INPP4B: variants seen among roughly 807,000 people sequenced by gnomAD.
INPP4B encodes the protein inositol polyphosphate 4-phosphatase type II.
Under a neutral mutation model 122.5 loss-of-function variants are expected in INPP4B, and 55 were observed. The observed-to-expected ratio is 0.45, with a 90% CI of 0.36 to 0.56. INPP4B has a LOEUF of 0.56. Ranked by LOEUF, INPP4B falls within the 20% of genes least tolerant of loss-of-function variation. The pLI, the probability that INPP4B is intolerant of heterozygous loss-of-function variation, is 0.00. For synonymous variants in INPP4B, 403 were observed against 388.7 expected (o/e 1.04, Z -0.43); for missense variants, 1,000 against 1,097.7 (o/e 0.91, Z 1.26).
intron 11 of INPP4B, among the ~76,000 whole-genome samples, chr4:142,242,878 G>A (rs559308496): frequency 8.4e-4 from 128 of 152,248 alleles, no homozygotes; most frequent in African/African-American, 2.9e-3. Flanking sequence ...TGAGCTTTAT[G>A]TGTGGGGGGA....
chr4:142,803,114 G>A (rs1047837558), intron 1 of INPP4B, among the ~76,000 whole-genome samples: 27 of 147,142 alleles, frequency 1.8e-4, no homozygotes, highest in Middle Eastern at 3.5e-3. Context: ...GGAGGTTGCC[G>A]TAAGCCGAAA....
chr4:142,598,473 C>G (rs74821385), intron 2 of INPP4B, among the ~76,000 whole-genome samples: 3,644 of 152,170 alleles, frequency 0.024, 56 homozygotes, highest in Middle Eastern at 0.088. Context: ...CCCATATATC[C>G]ACATCCTGTA....
At chr4:142,317,718 C>G (rs766117194) in intron 7 of INPP4B, among the ~76,000 whole-genome samples, 9 of 152,148 alleles carry the variant, frequency 5.9e-5, no homozygotes, top group Non-Finnish European at 1.3e-4. Context: ...ACTTCTTGAG[C>G]TAAATGTCAC....
chr4:142,282,910 G>T (rs1483382512), intron 9 of INPP4B, among the ~76,000 whole-genome samples: 1 of 152,056 alleles, frequency 6.6e-6, no homozygotes, highest in African/African-American at 2.4e-5. Flanking sequence ...CAGCAATGGG[G>T]AGTGAGATGA....
chr4:142,330,557 GCA>G (rs147805476), intron 7 of INPP4B, among the ~76,000 whole-genome samples: 12 of 151,750 alleles, frequency 7.9e-5, no homozygotes, highest in Non-Finnish European at 1.3e-4. Context: ...ACACGCGCAC[GCA>G]CACACACACA....
intron 2 of INPP4B, among the ~76,000 whole-genome samples, chr4:142,597,341 G>A (rs1580460673): frequency 6.6e-6 from 1 of 152,172 alleles, no homozygotes; most frequent in Non-Finnish European, 1.5e-5. Context: ...GTGGATCAAC[G>A]GTGACACCAG....
intron 7 of INPP4B, among the ~76,000 whole-genome samples, chr4:142,389,849 A>G (rs1047211183): frequency 1.3e-5 from 2 of 152,240 alleles, no homozygotes; most frequent in Non-Finnish European, 2.9e-5. Context: ...GTAAAAGATT[A>G]TAAAAAGGCA....
At position 142,758,786 on chromosome 4, in the gene INPP4B, C is replaced by T. The variant is rs548117596; in HGVS notation, c.-253-32885G>A. ...TGGCTAACATGGTGAAACCCCGTCT[C>T]TTCTAAAAACACAAACATTAGCCGG... On this transcript the variant is annotated intron_variant, in intron 1 of 25. Coordinates refer to ENST00000262992, the MANE Select transcript of INPP4B (RefSeq NM_001101669.3). Among the ~76,000 whole-genome samples, 12 of 152,132 alleles carry T rather than the reference C, an allele frequency of 7.9e-5. No homozygotes were observed. The East Asian group carries it at 2.3e-3, about 29-fold the overall frequency.
At chr4:142,827,256 C>T (rs1036218501) in intron 1 of INPP4B, among the ~76,000 whole-genome samples, 9 of 152,190 alleles carry the variant, frequency 5.9e-5, no homozygotes, top group Admixed American at 3.3e-4. Flanking sequence ...TTTCACCCTA[C>T]TCCTATCCCT....
intron 2 of INPP4B, among the ~76,000 whole-genome samples, chr4:142,542,437 T>A (rs987546544): frequency 6.6e-6 from 1 of 152,172 alleles, no homozygotes; most frequent in East Asian, 1.9e-4. Context: ...GAATAAATCA[T>A]CTCATTATAT....
intron 3 of INPP4B, among the ~76,000 whole-genome samples, chr4:142,439,834 A>T (rs969464819): frequency 1.3e-5 from 2 of 152,170 alleles, no homozygotes; most frequent in Non-Finnish European, 2.9e-5. Flanking sequence ...TATCATCCTC[A>T]GATACATTCC....
intron 2 of INPP4B, among the ~76,000 whole-genome samples, chr4:142,585,137 C>T (rs1324576993): frequency 6.6e-6 from 1 of 152,092 alleles, no homozygotes; most frequent in African/African-American, 2.4e-5. Flanking sequence ...TACTTTCTCA[C>T]TTTCTGGAAG....
chr4:142,062,669 G>A (rs1761606413), intron 25 of INPP4B, among the ~76,000 whole-genome samples: 1 of 152,068 alleles, frequency 6.6e-6, no homozygotes, highest in Non-Finnish European at 1.5e-5. Flanking sequence ...CTGGGAGGCG[G>A]AGGTTGCAGT....
At chr4:142,130,798 A>G (rs1361587338) in intron 18 of INPP4B, among the ~76,000 whole-genome samples, 1 of 152,206 alleles carries the variant, frequency 6.6e-6, no homozygotes, top group Non-Finnish European at 1.5e-5. Flanking sequence ...TCAACCCAAG[A>G]CAAATGGCTA....
chr4:142,678,048 G>A (rs1408289152), intron 2 of INPP4B, among the ~76,000 whole-genome samples: 1 of 151,792 alleles, frequency 6.6e-6, no homozygotes, highest in Admixed American at 6.6e-5. Context: ...AACATATGAG[G>A]AAAGAGTCTT....
At chr4:142,543,706 A>G (rs946250749) in intron 2 of INPP4B, among the ~76,000 whole-genome samples, 2 of 152,124 alleles carry the variant, frequency 1.3e-5, no homozygotes, top group South Asian at 2.1e-4. Flanking sequence ...CATAAGACTT[A>G]TTGTGGCCCT....
intron 3 of INPP4B, among the ~76,000 whole-genome samples, chr4:142,433,514 C>G (rs1809782099): frequency 6.6e-6 from 1 of 152,136 alleles, no homozygotes; most frequent in Non-Finnish European, 1.5e-5. Flanking sequence ...AACAATATTT[C>G]TCACTGACCA....
intron 7 of INPP4B, among the ~76,000 whole-genome samples, chr4:142,395,501 C>T (rs1465436992): frequency 1.3e-5 from 2 of 152,030 alleles, no homozygotes; most frequent in Admixed American, 6.5e-5. Flanking sequence ...TTTCCCAGAC[C>T]TTTCTTCAAA....
At chr4:142,329,435 G>T (rs1427047762) in intron 7 of INPP4B, among the ~76,000 whole-genome samples, 1 of 152,198 alleles carries the variant, frequency 6.6e-6, no homozygotes, top group Non-Finnish European at 1.5e-5. Flanking sequence ...GGAACATTGG[G>T]TTTATGTTAC....
Sources: allele counts gnomAD v4.1 joint callset (sites outside exome capture counted in the v4.1 genomes callset), GRCh38; gene constraint gnomAD v4.1.1; transcripts MANE v1.5; gene names NCBI Gene and HGNC (gene_info 2026-07-23, HGNC 2026-07-21).